ATG7: variants seen among roughly 807,000 people sequenced by gnomAD.
The protein encoded by ATG7 is autophagy related 7.
In ATG7, 70 loss-of-function variants were observed where a neutral mutation model predicts 82.4. The observed-to-expected ratio is 0.85, with a 90% CI of 0.70 to 1.04. The LOEUF (loss-of-function observed/expected upper bound fraction) is 1.04. Among genes scored for constraint, ATG7 ranks in the 50% least tolerant of loss-of-function variants. ATG7 has a pLI of 0.00. For missense variants in ATG7, 792 were observed against 864.3 expected (o/e 0.92, Z 1.05); for synonymous variants, 287 against 313.0 (o/e 0.92, Z 0.88).
intron 20 of ATG7, among the ~76,000 whole-genome samples, chr3:11,431,827 C>A (rs1198145392): frequency 6.6e-6 from 1 of 152,166 alleles, no homozygotes; most frequent in Non-Finnish European, 1.5e-5. Flanking sequence ...CAAAGCTGAT[C>A]CAACTAGAGA....
intron 20 of ATG7, among the ~76,000 whole-genome samples, chr3:11,432,393 A>C (rs2082976283): frequency 6.6e-6 from 1 of 152,214 alleles, no homozygotes; most frequent in East Asian, 1.9e-4. Context: ...ATAGATTAAA[A>C]AATTTAAGTA....
intron 14 of ATG7, 83 bp from the exon 15 acceptor site, chr3:11,358,335 G>C: frequency 7.3e-7 from 1 of 1,372,624 alleles, no homozygotes; most frequent in Non-Finnish European, 1.0e-6. Context: ...ACAAGTAAGT[G>C]CAGGCAGCTG....
chr3:11,438,471 T>G (rs1576413257), intron 20 of ATG7, among the ~76,000 whole-genome samples: 1 of 152,076 alleles, frequency 6.6e-6, no homozygotes, highest in Non-Finnish European at 1.5e-5. Flanking sequence ...GAGGCTGAGG[T>G]GGGAGGATCG....
At chr3:11,275,422 C>T (rs917131565) in intron 1 of ATG7, among the ~76,000 whole-genome samples, 3 of 150,732 alleles carry the variant, frequency 2.0e-5, no homozygotes, top group Non-Finnish European at 2.9e-5. Context: ...GATCTCGGCT[C>T]ACTGCAAGCT....
chr3:11,550,694 C>G (rs182440796), intron 20 of ATG7, among the ~76,000 whole-genome samples: 15 of 152,222 alleles, frequency 9.9e-5, no homozygotes, highest in Non-Finnish European at 1.6e-4. Flanking sequence ...GGCCTCTCTT[C>G]TTGATTTCTA....
intron 20 of ATG7, chr3:11,477,438 A>G: frequency 1.9e-6 from 1 of 535,134 alleles, no homozygotes; most frequent in Non-Finnish European, 2.5e-6. Flanking sequence ...CACAAGCATC[A>G]GCATGTTTTC....
chr3:11,367,080 G>C (rs1559480038), intron 18 of ATG7, among the ~76,000 whole-genome samples: 1 of 151,138 alleles, frequency 6.6e-6, no homozygotes, highest in Non-Finnish European at 1.5e-5. Flanking sequence ...AAAGAAAGTG[G>C]AGAAAGAACT....
intron 20 of ATG7, among the ~76,000 whole-genome samples, chr3:11,528,059 A>T (rs181432905): frequency 2.0e-5 from 3 of 152,156 alleles, no homozygotes; most frequent in Non-Finnish European, 2.9e-5. Flanking sequence ...TTCTGCTTCA[A>T]TTGTGGGCCT....
rs567423129 is a variant in ATG7, at chr3:11,483,424, G to A, written c.2079+56498G>A. ...GCACAGATCTTGCTTTCCTTTTTCT[G>A]TCAAAGTAGGATTATCTTTCCCTTG... is the stretch of plus-strand genomic sequence containing the variant. On this transcript the variant is annotated intron_variant, in intron 20 of 20. Transcript: ENST00000693202. 5.3e-5 allele frequency among the ~76,000 whole-genome samples: 8 copies of A among 152,214 alleles called. No homozygotes were observed. In the South Asian group the frequency reaches 1.7e-3, roughly 32 times the overall value.
At chr3:11,467,693 T>G (rs1198054093) in intron 20 of ATG7, among the ~76,000 whole-genome samples, 2 of 152,304 alleles carry the variant, frequency 1.3e-5, no homozygotes, top group East Asian at 3.9e-4. Context: ...TTTATTCCTT[T>G]GTCCTGTTTC....
chr3:11,287,651 T>C (rs1944309047), intron 3 of ATG7, among the ~76,000 whole-genome samples: 1 of 152,226 alleles, frequency 6.6e-6, no homozygotes, highest in African/African-American at 2.4e-5. Flanking sequence ...TCAAATGAGC[T>C]TCGTCTTGGC....
chr3:11,459,189 AC>A (rs1478258050), intron 20 of ATG7, among the ~76,000 whole-genome samples: 5 of 151,084 alleles, frequency 3.3e-5, no homozygotes, highest in Non-Finnish European at 5.9e-5. Flanking sequence ...AAAAAAAAAA[AC>A]AGCAAAAACA....
At chr3:11,384,341 G>C (rs770952688) in intron 19 of ATG7, among the ~76,000 whole-genome samples, 4 of 152,218 alleles carry the variant, frequency 2.6e-5, no homozygotes, top group Admixed American at 6.5e-5. Flanking sequence ...GACCTGCGCA[G>C]ATGCAGCAAG....
At chr3:11,415,410 T>G (rs1036345114) in intron 19 of ATG7, among the ~76,000 whole-genome samples, 2 of 152,220 alleles carry the variant, frequency 1.3e-5, no homozygotes, top group Non-Finnish European at 2.9e-5. Context: ...TTTAGCTTAC[T>G]GTAACCTTTT....
chr3:11,518,784 T>G (rs1181948832), intron 20 of ATG7, among the ~76,000 whole-genome samples: 1 of 152,146 alleles, frequency 6.6e-6, no homozygotes, highest in Non-Finnish European at 1.5e-5. Flanking sequence ...TGAAAAGCAG[T>G]GTACTTTTAA....
At chr3:11,440,901 C>T (rs909417611) in intron 20 of ATG7, among the ~76,000 whole-genome samples, 2 of 151,552 alleles carry the variant, frequency 1.3e-5, no homozygotes, top group Non-Finnish European at 2.9e-5. Flanking sequence ...TTAGGCTGGT[C>T]TCAAACTCCT....
At chr3:11,423,066 A>G (rs2082072742) in intron 19 of ATG7, among the ~76,000 whole-genome samples, 4 of 152,118 alleles carry the variant, frequency 2.6e-5, no homozygotes, top group Admixed American at 2.6e-4. Flanking sequence ...GCCTATTTCT[A>G]GCTCTCGATT....
intron 20 of ATG7, among the ~76,000 whole-genome samples, chr3:11,521,468 A>T (rs1357858509): frequency 6.6e-6 from 1 of 152,068 alleles, no homozygotes; most frequent in Admixed American, 6.5e-5. Flanking sequence ...ACGGGGAAGG[A>T]GCAAGCCAAG....
At chr3:11,379,815 A>G (rs2077741015) in intron 18 of ATG7, among the ~76,000 whole-genome samples, 157 bp from the exon 19 acceptor site, 1 of 152,226 alleles carries the variant, frequency 6.6e-6, no homozygotes, top group Admixed American at 6.5e-5. Flanking sequence ...ATTACGTTAC[A>G]AGGGAAAATA....
Sources: gnomAD v4.1 joint callset for allele counts (sites outside exome capture counted in the v4.1 genomes callset) on GRCh38, gnomAD v4.1.1 for gene constraint, MANE v1.5 for transcripts, NCBI Gene and HGNC (gene_info 2026-07-23, HGNC 2026-07-21) for gene names.